SGCD: variants seen among roughly 807,000 people sequenced by gnomAD.
The protein encoded by SGCD is delta-sarcoglycan.
Under a neutral mutation model 36.6 loss-of-function variants are expected in SGCD, and 18 were observed. The ratio of observed to expected loss-of-function variants is 0.49; its 90% CI spans 0.34 to 0.73. SGCD has a LOEUF of 0.73. Ranked by LOEUF, SGCD falls within the 30% of genes least tolerant of loss-of-function variation. The pLI, the probability that SGCD is intolerant of heterozygous loss-of-function variation, is 0.01. For missense variants in SGCD, 387 were observed against 346.7 expected, an observed-to-expected ratio of 1.12 and a Z score of -0.92; for synonymous variants, 133 against 130.6, an observed-to-expected ratio of 1.02 and a Z score of -0.12.
the SGCD span, among the ~76,000 whole-genome samples, chr5:155,753,736 ACTCAGTT>A: frequency 6.6e-6 from 1 of 152,124 alleles, no homozygotes; most frequent in East Asian, 1.9e-4. Flanking sequence ...TCCCTTGTGA[ACTCAGTT>A]CTCAATCGTG....
chr5:156,391,501 C>T (rs1289200719), intron 3 of SGCD, among the ~76,000 whole-genome samples: 2 of 152,206 alleles, frequency 1.3e-5, no homozygotes, highest in Admixed American at 6.5e-5. Context: ...AGGATAGTTG[C>T]ATCTGTACTG....
the SGCD span, among the ~76,000 whole-genome samples, chr5:155,849,557 A>C: frequency 8.5e-5 from 13 of 152,196 alleles, no homozygotes; most frequent in Admixed American, 7.9e-4. Flanking sequence ...AGCTGAACTT[A>C]AAACTTTCTT....
the SGCD span, among the ~76,000 whole-genome samples, chr5:155,839,703 G>A: frequency 1.3e-5 from 2 of 152,064 alleles, no homozygotes; most frequent in African/African-American, 4.8e-5. Flanking sequence ...AGGAAATGAA[G>A]TGACTAAGGC....
intron 1 of SGCD, among the ~76,000 whole-genome samples, chr5:155,976,289 T>G (rs750459269): frequency 9.9e-5 from 15 of 152,160 alleles, no homozygotes; most frequent in Admixed American, 9.8e-4. Flanking sequence ...AGGGGAGTAT[T>G]GCAGGGGTAC....
intron 1 of SGCD, among the ~76,000 whole-genome samples, chr5:155,950,216 T>C (rs1241938534): frequency 6.6e-6 from 1 of 152,186 alleles, no homozygotes; most frequent in East Asian, 1.9e-4. Context: ...TTTGAATTAA[T>C]CCAGTTCTCA....
intron 3 of SGCD, among the ~76,000 whole-genome samples, chr5:156,128,086 C>T (rs1034136890): frequency 2.0e-5 from 3 of 150,574 alleles, no homozygotes; most frequent in African/African-American, 7.3e-5. Flanking sequence ...AGTTGTAATA[C>T]CTATATTTAA....
intron 8 of SGCD, among the ~76,000 whole-genome samples, chr5:156,758,500 T>C (rs1757421171): frequency 6.6e-6 from 1 of 152,114 alleles, no homozygotes; most frequent in South Asian, 2.1e-4. Flanking sequence ...GTCCCCCTTT[T>C]GATTGGTATG....
At chr5:156,166,849 G>T (rs936012190) in intron 3 of SGCD, among the ~76,000 whole-genome samples, 1 of 152,136 alleles carries the variant, frequency 6.6e-6, no homozygotes, top group Non-Finnish European at 1.5e-5. Context: ...GTGCTTCCTT[G>T]CCATGTGTCC....
chr5:156,186,924 T>C (rs1291646981), intron 3 of SGCD, among the ~76,000 whole-genome samples: 3 of 152,206 alleles, frequency 2.0e-5, no homozygotes, highest in Non-Finnish European at 4.4e-5. Flanking sequence ...TCATGAGTAA[T>C]ATTTGTTCTC....
At chr5:156,683,014 C>T (rs1040505511) in intron 7 of SGCD, among the ~76,000 whole-genome samples, 12 of 152,126 alleles carry the variant, frequency 7.9e-5, no homozygotes, top group African/African-American at 2.2e-4. Context: ...TGACACATTA[C>T]AGTGAAACAG....
chr5:156,586,061 G>A (rs1760479155), intron 4 of SGCD, among the ~76,000 whole-genome samples: 1 of 133,392 alleles, frequency 7.5e-6, no homozygotes, highest in Admixed American at 7.1e-5. Context: ...GATTACTTTG[G>A]TGTTTTTTTT....
chr5:155,856,122 AAC>A, the SGCD span, among the ~76,000 whole-genome samples: 5 of 152,342 alleles, frequency 3.3e-5, no homozygotes, highest in South Asian at 4.1e-4. Flanking sequence ...TTCAAAATGA[AAC>A]ACAGACAATA....
chr5:155,738,659 AGTGT>A, the SGCD span, among the ~76,000 whole-genome samples: 3 of 150,728 alleles, frequency 2.0e-5, no homozygotes, highest in Admixed American at 6.6e-5. Flanking sequence ...TGTGTGAGAG[AGTGT>A]GTGTGTGTAG....
chr5:155,914,855 C>A (rs1025655269), intron 1 of SGCD, among the ~76,000 whole-genome samples: 1 of 152,164 alleles, frequency 6.6e-6, no homozygotes, highest in African/African-American at 2.4e-5. Context: ...GGCTTACCAG[C>A]TTTGAAATCA....
intron 3 of SGCD, among the ~76,000 whole-genome samples, chr5:156,354,463 A>G (rs2127725167): frequency 6.6e-6 from 1 of 152,318 alleles, no homozygotes; most frequent in Middle Eastern, 3.4e-3. Flanking sequence ...GGTCAAACTG[A>G]AAAGCTTGAA....
chr5:156,552,636 C>T (rs1300192455), intron 4 of SGCD, among the ~76,000 whole-genome samples: 2 of 152,108 alleles, frequency 1.3e-5, no homozygotes, highest in Admixed American at 6.5e-5. Flanking sequence ...TAAGGGTCAG[C>T]TCATTTGAAA....
At chr5:156,334,609 C>CTTTTTTTTTTTTT (rs35767339) in intron 2 of SGCD, among the ~76,000 whole-genome samples, 37 of 105,066 alleles carry the variant, frequency 3.5e-4, no homozygotes, top group South Asian at 1.0e-3. Context: ...GGTCTATTTT[C>CTTTTTTTTTTTTT]TTTTTTTTTT....
intron 3 of SGCD, among the ~76,000 whole-genome samples, chr5:156,365,074 A>G (rs1770018710): frequency 6.6e-6 from 1 of 152,248 alleles, no homozygotes; most frequent in East Asian, 1.9e-4. Context: ...CAGTATAAAA[A>G]TGTGCAACTC....
chr5:156,564,832 A>T (rs1759414932), intron 4 of SGCD, among the ~76,000 whole-genome samples: 1 of 152,038 alleles, frequency 6.6e-6, no homozygotes, highest in South Asian at 2.1e-4. Flanking sequence ...TAATTTCCTT[A>T]TTTTTTTAAG....
Sources: allele counts gnomAD v4.1 joint callset (sites outside exome capture counted in the v4.1 genomes callset), GRCh38; gene constraint gnomAD v4.1.1; transcripts MANE v1.5; gene names NCBI Gene and HGNC (gene_info 2026-07-23, HGNC 2026-07-21).